RASIP1: variants seen among roughly 807,000 people sequenced by gnomAD.
The protein encoded by RASIP1 is ras-interacting protein 1.
In RASIP1, 20 loss-of-function variants were observed where a neutral mutation model predicts 85.3. That is an observed-to-expected ratio of 0.23 (90% confidence interval 0.17 to 0.34). The LOEUF (loss-of-function observed/expected upper bound fraction) is 0.34, where lower values mean the gene tolerates loss of function less well. RASIP1 is among the 10% of genes least tolerant of loss of function. The pLI is 1.00. For synonymous variants in RASIP1, 617 were observed against 647.1 expected, an observed-to-expected ratio of 0.95 and a Z score of 0.71; for missense variants, 1,170 against 1,390.9, an observed-to-expected ratio of 0.84 and a Z score of 2.53.
chr19:48,731,515 A>G (rs2033458133), intron 4 of RASIP1, among the ~76,000 whole-genome samples: 1 of 152,180 alleles, frequency 6.6e-6, no homozygotes, highest in Non-Finnish European at 1.5e-5. Context: ...ACAACCTCTT[A>G]CCATGGAGTG....
chr19:48,723,071 G>T (rs975124140), intron 10 of RASIP1, among the ~76,000 whole-genome samples: 3 of 151,838 alleles, frequency 2.0e-5, no homozygotes, highest in African/African-American at 7.3e-5. Flanking sequence ...ATTTTTGGTA[G>T]AGATGGTGTC....
intron 8 of RASIP1, among the ~76,000 whole-genome samples, chr19:48,726,313 G>A (rs1244242003): frequency 2.6e-5 from 4 of 152,172 alleles, no homozygotes; most frequent in Non-Finnish European, 4.4e-5. Context: ...TGCAACATCC[G>A]CCTCCCAGGT....
chr19:48,740,309 C>G lies in RASIP1; in HGVS notation c.-4-23G>C. 6.4e-7 allele frequency: 1 copy of G among 1,563,262 alleles called. No individual in the cohort carries two copies. The highest frequency in any genetic ancestry group is 8.6e-7 in the Non-Finnish European group (1 of 1,159,506). On this transcript the variant is annotated intron_variant, in intron 1 of 11. Transcript: ENST00000222145. The surrounding 1 kb of genome is among the most constrained non-coding windows in gnomAD (Gnocchi z 5.5). Reference sequence around the variant, plus strand: ...GCCCTAAGGGAAGGCGGGTAAGGCCCCAACTCCTAAGGCATTCTTGTGGGG... The same window carrying G: ...GCCCTAAGGGAAGGCGGGTAAGGCCGCAACTCCTAAGGCATTCTTGTGGGG...
rs2033615155 is a variant in RASIP1, at chr19:48,738,795, T to G, written c.823+165A>C. 2.2e-6 allele frequency: 2 copies of G among 908,812 alleles called. No homozygotes were observed. Among genetic ancestry groups the G allele is most frequent in the Non-Finnish European group, 2.8e-6 (2 of 709,598 alleles). The allele number at this position is 908,812 out of a possible 1,614,324, so 56.3% of individuals were successfully genotyped here. ...TGGCCGCCCCCGGCCCTGCTCTAGC[T>G]CTGCCTAGAGTCCAACACGCACCGT... is the stretch of plus-strand genomic sequence containing the variant. On this transcript the variant is annotated intron_variant, in intron 3 of 11. Transcript: ENST00000222145. This position sits in a 1 kb window ranked among gnomAD's most constrained non-coding sequence, Gnocchi z 4.0.
Position 48,740,250 on chromosome 19 carries a change from G to T in RASIP1, c.33C>A (p.Ser11Arg). The T allele has an allele frequency of 6.3e-7, 1 of 1,587,888 alleles. No individual in the cohort carries two copies. The highest frequency in any genetic ancestry group is 8.5e-7 in the Non-Finnish European group (1 of 1,170,172). The change falls in exon 2 of 12, where the codon AGC becomes AGA. Residue 11 changes from serine (S) to arginine (R), a missense_variant. This residue lies in a region of RASIP1 where 299 missense variants were observed against 394.4 expected (regional missense o/e 0.76). Coordinates refer to ENST00000222145, the MANE Select transcript of RASIP1 (RefSeq NM_017805.3). This position sits in a 1 kb window ranked among gnomAD's most constrained non-coding sequence, Gnocchi z 5.5. ...GGAGATGAAGCTTCCCGAAGCGGGG[G>T]CTTCCGCCCTCCTTCCGTTCACCAG... MLSGERKEGG[S>R]PRFGKLHLPV...
chr19:48,726,030 G>A (rs752943901), intron 8 of RASIP1, among the ~76,000 whole-genome samples: 16 of 152,208 alleles, frequency 1.1e-4, no homozygotes, highest in Admixed American at 9.2e-4. Context: ...GGGTTCAAGC[G>A]ATTCTCCTCC....
intron 3 of RASIP1, among the ~76,000 whole-genome samples, chr19:48,737,037 AACAACAACG>A (rs1489417784): frequency 6.6e-6 from 1 of 152,194 alleles, no homozygotes; most frequent in African/African-American, 2.4e-5. Context: ...CTCCATCTCG[AACAACAACG>A]ACAACAACAA....
chr19:48,722,538 T>C (rs2033267791), intron 10 of RASIP1, among the ~76,000 whole-genome samples: 1 of 152,066 alleles, frequency 6.6e-6, no homozygotes, highest in South Asian at 2.1e-4. Flanking sequence ...CCCAGGCTGG[T>C]CTCAAGCTTC....
At position 48,724,289 on chromosome 19, in the gene RASIP1, G is replaced by A; in HGVS notation, c.2544+48C>T. 2 of 1,578,032 alleles carry A rather than the reference G, an allele frequency of 1.3e-6. No homozygotes were observed. The highest frequency in any genetic ancestry group is 1.9e-4 in the Middle Eastern group (1 of 5,374). ...TGAATATAGAAGGTGGCTGAGGGGGGTTGAGGAGTCAGAGGTCAGGGGTCA... is the reference window on the plus strand; with the variant it reads ...TGAATATAGAAGGTGGCTGAGGGGGATTGAGGAGTCAGAGGTCAGGGGTCA... On this transcript the variant is annotated intron_variant, in intron 10 of 11. Coordinates refer to ENST00000222145, the MANE Select transcript of RASIP1 (RefSeq NM_017805.3). This position sits in a 1 kb window ranked among gnomAD's most constrained non-coding sequence, Gnocchi z 4.6.
chr19:48,734,276 C>T (rs1425814761), intron 4 of RASIP1, among the ~76,000 whole-genome samples: 2 of 151,142 alleles, frequency 1.3e-5, no homozygotes, highest in African/African-American at 2.4e-5. Context: ...GCCTGGGCGA[C>T]AGAGAGAGAC....
intron 4 of RASIP1, among the ~76,000 whole-genome samples, chr19:48,732,547 C>A (rs1230450454): frequency 6.6e-6 from 1 of 151,994 alleles, no homozygotes; most frequent in Non-Finnish European, 1.5e-5. Context: ...AGCCACCGCG[C>A]CCAGCCTGTT....
At position 48,724,004 on chromosome 19, in the gene RASIP1, C is replaced by T. The variant is rs374900566; in HGVS notation, c.2544+333G>A. On this transcript the variant is annotated intron_variant, in intron 10 of 11. Coordinates refer to ENST00000222145, the MANE Select transcript of RASIP1 (RefSeq NM_017805.3). This position sits in a 1 kb window ranked among gnomAD's most constrained non-coding sequence, Gnocchi z 4.6. ...TGTATTTTTAGTAGAGACAGCGTTT[C>T]GCCATGTTGGCCAGGCTGGTCTCAA... 1.2e-4 allele frequency among the ~76,000 whole-genome samples: 18 copies of T among 152,252 alleles called. 3 individuals carry two copies. In the South Asian group the frequency reaches 1.4e-3, roughly 12 times the overall value.
At chr19:48,735,071 C>A in intron 4 of RASIP1, 125 bp downstream of exon 4, 1 of 863,370 alleles carries the variant, frequency 1.2e-6, no homozygotes, top group South Asian at 1.8e-5. Flanking sequence ...CCTTGAGGGA[C>A]CACGCCCCAC....
chr19:48,729,758 A>G (rs2033418572), intron 4 of RASIP1, among the ~76,000 whole-genome samples, 168 bp from the exon 5 acceptor site: 1 of 117,958 alleles, frequency 8.5e-6, no homozygotes, highest in Non-Finnish European at 1.6e-5. Flanking sequence ...TCTGTCCTCC[A>G]GGCTGGAGTC....
At chr19:48,737,592 T>C (rs535456462) in intron 3 of RASIP1, 1 of 985,344 alleles carries the variant, frequency 1.0e-6, no homozygotes, top group East Asian at 1.1e-4. Flanking sequence ...CCGCCCATCT[T>C]AGTCCCAGCA....
intron 10 of RASIP1, among the ~76,000 whole-genome samples, chr19:48,723,803 C>CTTTTTTT (rs34173404): frequency 7.9e-6 from 1 of 127,024 alleles, no homozygotes; most frequent in Non-Finnish European, 1.6e-5. Flanking sequence ...ACCCTGGAAA[C>CTTTTTTT]TTTTTTTTTT....
chr19:48,737,405 C>G (rs1435127381), intron 3 of RASIP1: 1 of 956,078 alleles, frequency 1.0e-6, no homozygotes, highest in Non-Finnish European at 1.2e-6. Flanking sequence ...CCAGGCCCCA[C>G]CCCTGCCAGG....
chr19:48,735,235 G>A lies in RASIP1; in HGVS notation c.1140C>T (p.Arg380=). ...TQCLIQAPSN[R]PYFLLLQGYQ... is the part of the protein sequence containing the mutation. The stretch of plus-strand genomic sequence containing the variant: ...AGCCCTGGAGCAGCAGGAAGTAGGG[G>A]CGGTTGCTGGGGGCCTGGATGAGGC... The change falls in exon 4 of 12, where the codon CGC becomes CGT. Residue 380 remains arginine, a synonymous_variant. Coordinates refer to ENST00000222145, the MANE Select transcript of RASIP1 (RefSeq NM_017805.3). 1 of 1,613,580 alleles carries A rather than the reference G, an allele frequency of 6.2e-7. No homozygotes were observed. Among genetic ancestry groups the A allele is most frequent in the Non-Finnish European group, 8.5e-7 (1 of 1,179,742 alleles).
chr19:48,738,775 GC>G lies in RASIP1; in HGVS notation c.823+184del. 1.3e-6 allele frequency: 1 copy of G among 759,402 alleles called. No homozygotes were observed. The highest frequency in any genetic ancestry group is 1.7e-6 in the Non-Finnish European group (1 of 573,534). 47.0% of individuals were successfully genotyped at this position (759,402 alleles called of 1,614,324 possible). A position where few individuals can be genotyped will look rare whatever the true frequency, so the allele number is the denominator to read the frequency against. On this transcript the variant is annotated intron_variant, in intron 3 of 11. Coordinates refer to ENST00000222145, the MANE Select transcript of RASIP1 (RefSeq NM_017805.3). This position sits in a 1 kb window ranked among gnomAD's most constrained non-coding sequence, Gnocchi z 4.0. Reference sequence around the variant, plus strand: ...AACTCTCAGGCCCGCCCATCTGGCCGCCCCCGGCCCTGCTCTAGCTCTGCCT... The same window carrying G: ...AACTCTCAGGCCCGCCCATCTGGCCGCCCCGGCCCTGCTCTAGCTCTGCCT...
Sources: allele counts gnomAD v4.1 joint callset (sites outside exome capture counted in the v4.1 genomes callset), GRCh38; gene constraint gnomAD v4.1.1; regional missense constraint gnomAD v4.1.1; non-coding constraint Gnocchi (gnomAD v3.1); transcripts MANE v1.5; gene names NCBI Gene and HGNC (gene_info 2026-07-23, HGNC 2026-07-21).